The following ADAT1 variants were observed in gnomAD, a reference collection of about 807,000 sequenced individuals.
ADAT1 encodes the protein adenosine deaminase tRNA specific 1.
Under a neutral mutation model 58.6 loss-of-function variants are expected in ADAT1, and 58 were observed. The ratio of observed to expected loss-of-function variants is 0.99; its 90% CI spans 0.80 to 1.23. The LOEUF (loss-of-function observed/expected upper bound fraction) is 1.23, where lower values mean the gene tolerates loss of function less well. ADAT1 is among the 50% of genes most tolerant of loss of function. The probability of loss-of-function intolerance (pLI) is 0.00; values close to 1 mark genes in which losing one functional copy is unlikely to be tolerated. For synonymous variants in ADAT1, 254 were observed against 220.8 expected, an observed-to-expected ratio of 1.15 and a Z score of -1.33; for missense variants, 741 against 608.6, an observed-to-expected ratio of 1.22 and a Z score of -2.29.
Position 75,617,240 on chromosome 16 carries a change from G to A in ADAT1, c.326C>T (p.Thr109Ile), listed in dbSNP as rs199978571. 5.6e-6 allele frequency: 9 copies of A among 1,613,586 alleles called. No individual in the cohort carries two copies. The highest frequency in any genetic ancestry group is 2.2e-5 in the East Asian group (1 of 44,898). ...GACAAAGATGCTATCCTCTTTCAGG[G>A]TGGCTGCCAACTGGAGTTGGTGGAG... ...YLLHQLQLAA[T>I]LKEDSIFVPG... The change falls in exon 5 of 10, where the codon ACC (threonine) becomes ATC (isoleucine). Residue 109 changes from threonine (T) to isoleucine (I), a missense_variant. Coordinates refer to ENST00000564657, the MANE Select transcript of ADAT1 (RefSeq NM_001324445.2).
intron 6 of ADAT1, among the ~76,000 whole-genome samples, chr16:75,609,524 A>G (rs2081464386): frequency 6.6e-6 from 1 of 152,216 alleles, no homozygotes; most frequent in Admixed American, 6.5e-5. Context: ...AAAAACCAAC[A>G]TCTTTATAGG....
At chr16:75,606,049 A>G (rs1325433752) in intron 8 of ADAT1, among the ~76,000 whole-genome samples, 1 of 80,266 alleles carries the variant, frequency 1.2e-5, no homozygotes, top group Non-Finnish European at 2.3e-5. Context: ...TTTTTTAGAG[A>G]TTGGGGGGGG....
Position 75,597,270 on chromosome 16 carries a change from AAGACAC to A in ADAT1, c.*2940_*2945del. The A allele has an allele frequency of 2.8e-6, 1 of 359,966 alleles. No homozygotes were observed. The highest frequency in any genetic ancestry group is 5.5e-6 in the Non-Finnish European group (1 of 180,334). The allele number at this position is 359,966 out of a possible 1,614,324, so 22.3% of individuals were successfully genotyped here. A position where few individuals can be genotyped will look rare whatever the true frequency, so the allele number is the denominator to read the frequency against. On this transcript the variant is annotated 3_prime_UTR_variant, in exon 10 of 10. Coordinates refer to ENST00000564657, the MANE Select transcript of ADAT1 (RefSeq NM_001324445.2). The stretch of plus-strand genomic sequence containing the variant: ...GGGGTCCTTATAAGTAGGCCATGGA[AAGACAC>A]AGACACAGGGAAGAAGGCCATGCGA...
Position 75,597,308 on chromosome 16 carries a change from G to A in ADAT1, c.*2908C>T. The stretch of plus-strand genomic sequence containing the variant: ...AGGGAAGAAGGCCATGCGAGACACA[G>A]ACACAGAAGGCCATGTGAAGACGGA... On this transcript the variant is annotated 3_prime_UTR_variant, in exon 10 of 10. Coordinates refer to ENST00000564657, the MANE Select transcript of ADAT1 (RefSeq NM_001324445.2). The A allele has an allele frequency of 2.3e-6, 1 of 428,204 alleles. No individual in the cohort carries two copies. The allele number at this position is 428,204 out of a possible 1,614,324, so 26.5% of individuals were successfully genotyped here.
chr16:75,609,924 G>C (rs2081478881), intron 6 of ADAT1, among the ~76,000 whole-genome samples: 2 of 151,772 alleles, frequency 1.3e-5, no homozygotes, highest in South Asian at 2.1e-4. Context: ...GGCTGGTCTT[G>C]AACTCCTTGG....
rs2081888693 is a variant in ADAT1 at position 75,620,278 on chromosome 16, T to C, written c.226A>G (p.Met76Val). 6.2e-7 allele frequency: 1 copy of C among 1,613,962 alleles called. No homozygotes were observed. The highest frequency in any genetic ancestry group is 1.7e-5 in the Admixed American group (1 of 60,004). ...TGTKCIGQSKMRKNGDILNDS... is the reference protein window; with the variant it reads ...TGTKCIGQSKVRKNGDILNDS... Reference sequence around the variant, plus strand: ...CACCCGTGCTTACCGTTCTTCCTCATTTTGGACTGTCCTATGCATTTTGTT... The same window carrying C: ...CACCCGTGCTTACCGTTCTTCCTCACTTTGGACTGTCCTATGCATTTTGTT... Residue 76 changes from methionine to valine, a missense_variant, in exon 3 of 10, where the codon ATG becomes GTG. Physicochemically the swap from Met to Val is conservative, Grantham distance 21 (BLOSUM62 1). Coordinates refer to ENST00000564657, the MANE Select transcript of ADAT1 (RefSeq NM_001324445.2).
At position 75,600,080 on chromosome 16, in the gene ADAT1, C is replaced by T. The variant is rs2081183396; in HGVS notation, c.*136G>A. ...GCTTGCTCTAAGTTCCAGATTCCATCTGTATTACACAACAGAGATGCAAAG... is the reference window on the plus strand; with the variant it reads ...GCTTGCTCTAAGTTCCAGATTCCATTTGTATTACACAACAGAGATGCAAAG... On this transcript the variant is annotated 3_prime_UTR_variant, in exon 10 of 10. Coordinates refer to ENST00000564657, the MANE Select transcript of ADAT1 (RefSeq NM_001324445.2). The T allele has an allele frequency of 2.0e-6, 3 of 1,495,344 alleles. No individual in the cohort carries two copies. In the South Asian group the frequency reaches 4.2e-5, roughly 21 times the overall value. 92.6% of individuals were successfully genotyped at this position (1,495,344 alleles called of 1,614,324 possible). A position where few individuals can be genotyped will look rare whatever the true frequency, so the allele number is the denominator to read the frequency against.
At chr16:75,616,388 A>G (rs977122301) in intron 5 of ADAT1, among the ~76,000 whole-genome samples, 1 of 152,114 alleles carries the variant, frequency 6.6e-6, no homozygotes, top group African/African-American at 2.4e-5. Context: ...CTTCATAGTG[A>G]TTTCTTATCT....
rs551299913 is a variant in ADAT1, at chr16:75,601,627, G to A, written c.1377-1279C>T. Among the ~76,000 whole-genome samples the A allele has an allele frequency of 1.6e-4, 24 of 152,058 alleles. No individual in the cohort carries two copies. The South Asian group carries it at 4.4e-3, about 28-fold the overall frequency. On this transcript the variant is annotated intron_variant, in intron 9 of 9. Coordinates refer to ENST00000564657, the MANE Select transcript of ADAT1 (RefSeq NM_001324445.2). The stretch of plus-strand genomic sequence containing the variant: ...CCAAAAATTAGCCGGGCGTGGTGGC[G>A]GGTGCCTGTAATCCTAGCTACTCTG...
At chr16:75,619,124 T>A (rs2081844646) in intron 3 of ADAT1, among the ~76,000 whole-genome samples, 2 of 152,144 alleles carry the variant, frequency 1.3e-5, no homozygotes, top group Admixed American at 1.3e-4. Flanking sequence ...TCTAATCCAA[T>A]CCACAGTGAT....
Position 75,600,291 on chromosome 16 carries a change from T to C in ADAT1, c.1434A>G (p.Glu478=). The change falls in exon 10 of 10, where the codon GAA becomes GAG. Residue 478 remains glutamate (E), a synonymous_variant. Transcript: ENST00000564657. ...EYKEAASSYQ[E]AWSTLRKQVF... Reference sequence around the variant, plus strand: ...CCTGCTTCCGGAGTGTGCTCCAGGCTTCCTGGTAAGAGGACGCAGCCTCCT... The same window carrying C: ...CCTGCTTCCGGAGTGTGCTCCAGGCCTCCTGGTAAGAGGACGCAGCCTCCT... 14 of 1,614,168 alleles carry C rather than the reference T, an allele frequency of 8.7e-6. No homozygotes were observed. The highest frequency in any genetic ancestry group is 1.2e-5 in the Non-Finnish European group (14 of 1,180,014).
Position 75,618,595 on chromosome 16 carries a change from C to T in ADAT1, c.284G>A (p.Ser95Asn). The T allele has an allele frequency of 6.2e-7, 1 of 1,604,080 alleles. No homozygotes were observed. The highest frequency in any genetic ancestry group is 8.5e-7 in the Non-Finnish European group (1 of 1,175,958). ...GGAGATGTGGCTTTACCTTTGGAAA[C>T]TCCTTCTGGCTATGACCTCAGCATG... The part of the protein sequence containing the change: ...DSHAEVIARR[S>N]FQRYLLHQLQ... Residue 95 changes from serine to asparagine, a missense_variant, in exon 4 of 10, where the codon AGT becomes AAT. Coordinates refer to ENST00000564657, the MANE Select transcript of ADAT1 (RefSeq NM_001324445.2).
intron 8 of ADAT1, among the ~76,000 whole-genome samples, chr16:75,605,754 G>C (rs1439794078): frequency 1.3e-5 from 2 of 151,638 alleles, no homozygotes; most frequent in African/African-American, 4.8e-5. Context: ...TGCCCAACAT[G>C]GCAAAATCCC....
chr16:75,610,556 C>T (rs1227241934), intron 6 of ADAT1, among the ~76,000 whole-genome samples: 2 of 152,136 alleles, frequency 1.3e-5, no homozygotes, highest in Non-Finnish European at 2.9e-5. Flanking sequence ...CATGGCCTCC[C>T]AAGATGCTAG....
chr16:75,610,664 C>G (rs529657339), intron 6 of ADAT1, among the ~76,000 whole-genome samples: 2 of 152,318 alleles, frequency 1.3e-5, no homozygotes, highest in South Asian at 2.1e-4. Flanking sequence ...TGGACCATAT[C>G]TTGAGGCTTC....
rs373317717 is a variant in ADAT1, at chr16:75,608,751, A to C, written c.1189+92T>G. 1,246 of 1,487,466 alleles carry C rather than the reference A, an allele frequency of 8.4e-4. 5 individuals carry two copies. The Middle Eastern group carries it at 0.015, about 18-fold the overall frequency. The allele number at this position is 1,487,466 out of a possible 1,614,324, so 92.1% of individuals were successfully genotyped here. On this transcript the variant is annotated intron_variant, in intron 7 of 9. Transcript: ENST00000564657. ...CTACCGGCCACTAGAGTGGTGAACTACCTTCCTAGGCTGGGAGGATGCCGA... is the reference window on the plus strand; with the variant it reads ...CTACCGGCCACTAGAGTGGTGAACTCCCTTCCTAGGCTGGGAGGATGCCGA...
chr16:75,618,648 A>G lies in ADAT1; in HGVS notation c.239-8T>C. The G allele has an allele frequency of 1.9e-6, 3 of 1,612,926 alleles. No homozygotes were observed. The highest frequency in any genetic ancestry group is 2.5e-6 in the Non-Finnish European group (3 of 1,179,524). On this transcript the variant is annotated splice_polypyrimidine_tract_variant and splice_region_variant and intron_variant, in intron 3 of 9. Transcript: ENST00000564657. ...TATCATTGAGGATGTCTCCTGCGGC[A>G]AAGATAGGACACCAGGTGAAGACAT...
At position 75,612,253 on chromosome 16, in the gene ADAT1, G is replaced by A. The variant is rs749148180; in HGVS notation, c.1033C>T (p.Leu345=). The change falls in exon 6 of 10, where the codon CTG becomes TTG. Residue 345 remains leucine, a synonymous_variant. Coordinates refer to ENST00000564657, the MANE Select transcript of ADAT1 (RefSeq NM_001324445.2). The part of the protein sequence containing the change: ...PYSQEAMQRA[L]IGRCQNVSAL... ...TCCCTACCCTCTCACCTTCCAATCAGTGCTCTCTGCATGGCTTCCTGGCTG... is the reference window on the plus strand; with the variant it reads ...TCCCTACCCTCTCACCTTCCAATCAATGCTCTCTGCATGGCTTCCTGGCTG... 3 of 1,613,868 alleles carry A rather than the reference G, an allele frequency of 1.9e-6. No homozygotes were observed. Among genetic ancestry groups the A allele is most frequent in the Admixed American group, 1.7e-5 (1 of 60,020 alleles).
chr16:75,619,987 G>A (rs1158556868), intron 3 of ADAT1, among the ~76,000 whole-genome samples: 1 of 151,600 alleles, frequency 6.6e-6, no homozygotes, highest in East Asian at 1.9e-4. Context: ...AAGCCTTCCA[G>A]ACCTAATGTG....
Sources: gnomAD v4.1 joint callset for allele counts (sites outside exome capture counted in the v4.1 genomes callset) on GRCh38, gnomAD v4.1.1 for gene constraint, MANE v1.5 for transcripts, NCBI Gene and HGNC (gene_info 2026-07-23, HGNC 2026-07-21) for gene names.